CNTNAP5: variants seen among roughly 807,000 people sequenced by gnomAD.
The protein encoded by CNTNAP5 is contactin-associated protein-like 5.
A neutral mutation model predicts 150.2 loss-of-function variants in CNTNAP5; 72 were observed. The observed-to-expected ratio is 0.48, with a 90% CI of 0.40 to 0.58. The LOEUF (loss-of-function observed/expected upper bound fraction) is 0.58, where lower values mean the gene tolerates loss of function less well. Ranked by LOEUF, CNTNAP5 falls within the 20% of genes least tolerant of loss-of-function variation. The pLI, the probability that CNTNAP5 is intolerant of heterozygous loss-of-function variation, is 0.00. For missense variants in CNTNAP5, 1,636 were observed against 1,626.2 expected (o/e 1.01, Z -0.10); for synonymous variants, 672 against 619.8 (o/e 1.08, Z -1.25).
intron 1 of CNTNAP5, among the ~76,000 whole-genome samples, chr2:124,188,716 C>CAAAAAA (rs70996047): frequency 0.15 from 10,668 of 72,944 alleles, 1,254 homozygotes; most frequent in Non-Finnish European, 0.17. Flanking sequence ...GACTCTGTCT[C>CAAAAAA]AAAAAAAAAA....
At chr2:124,698,777 C>T (rs1679458746) in intron 13 of CNTNAP5, among the ~76,000 whole-genome samples, 1 of 152,104 alleles carries the variant, frequency 6.6e-6, no homozygotes, top group South Asian at 2.1e-4. Flanking sequence ...GTTGGCCATC[C>T]TAGCCCCTGG....
intron 3 of CNTNAP5, among the ~76,000 whole-genome samples, chr2:124,370,837 A>T (rs1035427251): frequency 6.6e-6 from 1 of 152,146 alleles, no homozygotes; most frequent in Non-Finnish European, 1.5e-5. Context: ...AGAGAAAAAC[A>T]TGCACATTTA....
intron 1 of CNTNAP5, among the ~76,000 whole-genome samples, chr2:124,120,253 C>T (rs1683530584): frequency 1.3e-5 from 2 of 152,304 alleles, no homozygotes; most frequent in South Asian, 4.1e-4. Context: ...CCTCCCATCA[C>T]CTCCCAGAGC....
chr2:124,213,399 G>A (rs576421291), intron 1 of CNTNAP5, among the ~76,000 whole-genome samples: 1 of 152,272 alleles, frequency 6.6e-6, no homozygotes, highest in Non-Finnish European at 1.5e-5. Flanking sequence ...AAATAAATAA[G>A]TGGAAAACTG....
At chr2:124,747,651 C>T (rs1251783670) in intron 14 of CNTNAP5, among the ~76,000 whole-genome samples, 3 of 125,792 alleles carry the variant, frequency 2.4e-5, no homozygotes, top group Non-Finnish European at 4.7e-5. Context: ...GACAGAGTCT[C>T]ACTCTGTCAC....
At chr2:124,505,407 C>G (rs1343930941) in intron 8 of CNTNAP5, among the ~76,000 whole-genome samples, 1 of 151,912 alleles carries the variant, frequency 6.6e-6, no homozygotes, top group Non-Finnish European at 1.5e-5. Flanking sequence ...TGTATAACCC[C>G]TAAATTCTAT....
chr2:124,714,052 C>G (rs1197273657), intron 13 of CNTNAP5, among the ~76,000 whole-genome samples: 1 of 152,098 alleles, frequency 6.6e-6, no homozygotes, highest in African/African-American at 2.4e-5. Context: ...TCCCCCCAAA[C>G]ATAGTATGAC....
Position 124,382,900 on chromosome 2 carries a change from A to AT in CNTNAP5, c.382-34534dup, listed in dbSNP as rs554980250. The stretch of plus-strand genomic sequence containing the variant: ...AACAAGATGTTTAACACAGAAAAAG[A>AT]TTTTTTTTTCTTTTAAAGTGTTCTT... On this transcript the variant is annotated intron_variant, in intron 3 of 23. Coordinates refer to ENST00000682447, the MANE Select transcript of CNTNAP5 (RefSeq NM_001367498.1). 4.7e-4 allele frequency among the ~76,000 whole-genome samples: 72 copies of AT among 151,664 alleles called. No individual in the cohort carries two copies. The Middle Eastern group carries it at 0.017, about 36-fold the overall frequency.
chr2:124,275,549 C>T (rs1401845175), intron 3 of CNTNAP5, among the ~76,000 whole-genome samples: 1 of 151,918 alleles, frequency 6.6e-6, no homozygotes, highest in Non-Finnish European at 1.5e-5. Context: ...TGTGTCTGCA[C>T]CATCTTCTGG....
At chr2:124,590,896 CTA>C (rs1227213563) in intron 11 of CNTNAP5, among the ~76,000 whole-genome samples, 2 of 152,124 alleles carry the variant, frequency 1.3e-5, no homozygotes, top group African/African-American at 4.8e-5. Flanking sequence ...TGTCTGAATA[CTA>C]TCATTATCTT....
rs201789055 is a variant in CNTNAP5 at position 124,148,866 on chromosome 2, G to GTA, written c.83-72830_83-72829dup. ...ACTATGCATCTATAGAGAGAGAGGT[G>GTA]TATATATATACACACACACATATAT... On this transcript the variant is annotated intron_variant, in intron 1 of 23. Transcript: ENST00000682447. Among the ~76,000 whole-genome samples the GTA allele has an allele frequency of 3.5e-4, 53 of 150,628 alleles. No individual in the cohort carries two copies. In the East Asian group the frequency reaches 7.0e-3, roughly 20 times the overall value.
intron 19 of CNTNAP5, among the ~76,000 whole-genome samples, chr2:124,800,399 A>C (rs1227327791): frequency 2.6e-5 from 4 of 152,162 alleles, no homozygotes; most frequent in Admixed American, 2.0e-4. Context: ...ACAAATATAT[A>C]TAACTCTATA....
Position 124,764,086 on chromosome 2 carries a change from A to G in CNTNAP5, c.2472A>G (p.Ala824=). 1 of 1,613,174 alleles carries G rather than the reference A, an allele frequency of 6.2e-7. No individual in the cohort carries two copies. Residue 824 remains alanine, a synonymous_variant, in exon 16 of 24, where the codon GCA becomes GCG. Coordinates refer to ENST00000682447, the MANE Select transcript of CNTNAP5 (RefSeq NM_001367498.1). The part of the protein sequence containing the change: ...ADISFFFKTT[A]LSGVFLENLG... Reference sequence around the variant, plus strand: ...TTTCCTTCTTTTTTAAAACCACAGCATTATCCGGAGTTTTCCTAGAAAATC... The same window carrying G: ...TTTCCTTCTTTTTTAAAACCACAGCGTTATCCGGAGTTTTCCTAGAAAATC...
chr2:124,288,424 G>C (rs1472235745), intron 3 of CNTNAP5, among the ~76,000 whole-genome samples: 1 of 152,074 alleles, frequency 6.6e-6, no homozygotes, highest in Non-Finnish European at 1.5e-5. Flanking sequence ...TGAGACCCAG[G>C]AATTGAAAGA....
intron 6 of CNTNAP5, among the ~76,000 whole-genome samples, chr2:124,464,477 C>G (rs1693329581): frequency 6.6e-6 from 1 of 152,116 alleles, no homozygotes; most frequent in Admixed American, 6.6e-5. Flanking sequence ...CATTATTTGG[C>G]TCCAAAGTCG....
intron 13 of CNTNAP5, among the ~76,000 whole-genome samples, chr2:124,707,497 T>C (rs1217463548): frequency 6.6e-6 from 1 of 152,194 alleles, no homozygotes; most frequent in Non-Finnish European, 1.5e-5. Context: ...GCAATAAATG[T>C]TAATAAAGTT....
At chr2:124,851,732 C>T (rs920414717) in intron 19 of CNTNAP5, among the ~76,000 whole-genome samples, 2 of 152,022 alleles carry the variant, frequency 1.3e-5, no homozygotes, top group Non-Finnish European at 2.9e-5. Context: ...ATTATATGGT[C>T]GCCTTAGCCA....
chr2:124,265,736 G>A (rs1264772351), intron 3 of CNTNAP5, among the ~76,000 whole-genome samples: 2 of 152,080 alleles, frequency 1.3e-5, no homozygotes, highest in African/African-American at 4.8e-5. Flanking sequence ...GTGACCGAGG[G>A]CCGGCCTGGG....
At chr2:124,549,204 C>T (rs1295472624) in intron 10 of CNTNAP5, among the ~76,000 whole-genome samples, 1 of 152,166 alleles carries the variant, frequency 6.6e-6, no homozygotes, top group East Asian at 1.9e-4. Flanking sequence ...TCACTTCATC[C>T]ATGGGTTCTA....
Sources: gnomAD v4.1 joint callset for allele counts (sites outside exome capture counted in the v4.1 genomes callset) on GRCh38, gnomAD v4.1.1 for gene constraint, MANE v1.5 for transcripts, NCBI Gene and HGNC (gene_info 2026-07-23, HGNC 2026-07-21) for gene names.